Variants in WSCD2 observed in about 807,000 individuals in gnomAD.
WSCD2 encodes sialate:O-sulfotransferase 2.
Under a neutral mutation model 55.7 loss-of-function variants are expected in WSCD2, and 28 were observed. The observed-to-expected ratio is 0.50, with a 90% CI of 0.37 to 0.69. The LOEUF is 0.69. WSCD2 is among the 30% of genes least tolerant of loss of function. The probability of loss-of-function intolerance (pLI) is 0.00; values close to 1 mark genes in which losing one functional copy is unlikely to be tolerated. For synonymous variants in WSCD2, 301 were observed against 301.9 expected (o/e 1.00, Z 0.03); for missense variants, 616 against 762.1 (o/e 0.81, Z 2.26).
At chr12:108,232,933 C>A in intron 7 of WSCD2, 38 bp downstream of exon 7, 2 of 1,598,318 alleles carry the variant, frequency 1.3e-6, no homozygotes, top group South Asian at 2.2e-5. Flanking sequence ...AAGAGGTTCC[C>A]TGGGCTTGGG....
At chr12:108,180,084 G>GA (rs1881519148) in intron 1 of WSCD2, among the ~76,000 whole-genome samples, 1 of 147,186 alleles carries the variant, frequency 6.8e-6, no homozygotes, top group African/African-American at 2.5e-5. Flanking sequence ...GAAAAGAAAA[G>GA]AAAAGAAATC....
At chr12:108,214,425 G>A (rs936209708) in intron 4 of WSCD2, among the ~76,000 whole-genome samples, 2 of 152,150 alleles carry the variant, frequency 1.3e-5, no homozygotes, top group Non-Finnish European at 2.9e-5. Flanking sequence ...ACAGACTCTC[G>A]GGCACGTGGA....
chr12:108,213,796 C>A (rs932826476), intron 4 of WSCD2, among the ~76,000 whole-genome samples: 3 of 152,184 alleles, frequency 2.0e-5, no homozygotes, highest in Non-Finnish European at 2.9e-5. Context: ...TCCATGAATC[C>A]CAGTTAGTAT....
intron 4 of WSCD2, among the ~76,000 whole-genome samples, chr12:108,215,374 A>C (rs1221160500): frequency 3.9e-5 from 6 of 152,224 alleles, no homozygotes; most frequent in African/African-American, 1.4e-4. Context: ...TATAAAATGA[A>C]GACAATCCCA....
intron 1 of WSCD2, among the ~76,000 whole-genome samples, chr12:108,133,055 A>G (rs985116238): frequency 3.3e-5 from 5 of 152,158 alleles, no homozygotes; most frequent in Middle Eastern, 3.4e-3. Context: ...GTGTCTGTGT[A>G]TACATGTGTG....
chr12:108,170,905 G>T (rs1242325756), intron 1 of WSCD2, among the ~76,000 whole-genome samples: 1 of 152,162 alleles, frequency 6.6e-6, no homozygotes, highest in African/African-American at 2.4e-5. Flanking sequence ...ATCTCTGCAG[G>T]GCTAGTTCTG....
chr12:108,157,549 T>C (rs1454013023), intron 1 of WSCD2, among the ~76,000 whole-genome samples: 1 of 152,232 alleles, frequency 6.6e-6, no homozygotes, highest in Non-Finnish European at 1.5e-5. Context: ...CCCTTTTTTG[T>C]ATCTTTTTAA....
intron 1 of WSCD2, among the ~76,000 whole-genome samples, chr12:108,136,306 C>T (rs78793458): frequency 0.061 from 3,046 of 49,984 alleles, 124 homozygotes; most frequent in African/African-American, 0.15. Flanking sequence ...CCCAGCTCTG[C>T]GCCAACTGAC....
intron 4 of WSCD2, among the ~76,000 whole-genome samples, chr12:108,217,573 C>A (rs1219927078): frequency 6.6e-6 from 1 of 152,196 alleles, no homozygotes; most frequent in Admixed American, 6.5e-5. Flanking sequence ...CTAAACCCTT[C>A]CCTTCCTGGC....
Position 108,210,500 on chromosome 12 carries a change from A to G in WSCD2, c.682+195A>G, listed in dbSNP as rs1436483123. On this transcript the variant is annotated intron_variant, in intron 4 of 8. Transcript: ENST00000547525. The surrounding 1 kb of genome is among the most constrained non-coding windows in gnomAD (Gnocchi z 4.3). Reference sequence around the variant, plus strand: ...CCCCAGCTCCTTTGAATGGTCCTGCATGCGCTTTTCTCTCCCTCCCACTGA... The same window carrying G: ...CCCCAGCTCCTTTGAATGGTCCTGCGTGCGCTTTTCTCTCCCTCCCACTGA... Among the ~76,000 whole-genome samples the G allele has an allele frequency of 6.6e-6, 1 of 152,080 alleles. No individual in the cohort carries two copies. Among genetic ancestry groups the G allele is most frequent in the Non-Finnish European group, 1.5e-5 (1 of 68,010 alleles).
At chr12:108,223,417 C>T (rs1887744175) in intron 4 of WSCD2, among the ~76,000 whole-genome samples, 1 of 152,210 alleles carries the variant, frequency 6.6e-6, no homozygotes, top group African/African-American at 2.4e-5. Context: ...AACACATCTT[C>T]ACCTGGCTAA....
chr12:108,162,575 C>A (rs1879186342), intron 1 of WSCD2, among the ~76,000 whole-genome samples: 1 of 152,154 alleles, frequency 6.6e-6, no homozygotes, highest in Non-Finnish European at 1.5e-5. Context: ...CCCAAAGTGC[C>A]AAGGAAATTC....
At chr12:108,130,624 CT>C (rs1255212277) in intron 1 of WSCD2, among the ~76,000 whole-genome samples, 2 of 152,060 alleles carry the variant, frequency 1.3e-5, no homozygotes, top group Non-Finnish European at 2.9e-5. Flanking sequence ...GCCAACTCAC[CT>C]CCTTGGCAGA....
intron 1 of WSCD2, among the ~76,000 whole-genome samples, chr12:108,157,478 T>C (rs1878637837): frequency 6.6e-6 from 1 of 152,182 alleles, no homozygotes; most frequent in Non-Finnish European, 1.5e-5. Flanking sequence ...GCCCCACCTA[T>C]TTCCCTCCTA....
intron 7 of WSCD2, 157 bp downstream of exon 7, chr12:108,233,052 C>A (rs10861883): frequency 0.15 from 140,491 of 935,612 alleles, 11,299 homozygotes; most frequent in Non-Finnish European, 0.16. Flanking sequence ...TTGGTACCCC[C>A]CCACCTTCCT....
intron 1 of WSCD2, among the ~76,000 whole-genome samples, chr12:108,132,604 G>C (rs1383596843): frequency 3.3e-5 from 5 of 152,176 alleles, no homozygotes; most frequent in African/African-American, 9.7e-5. Flanking sequence ...ACTTGTGAAT[G>C]TTACGCAGTT....
At chr12:108,161,462 G>A (rs1879047014) in intron 1 of WSCD2, among the ~76,000 whole-genome samples, 1 of 152,154 alleles carries the variant, frequency 6.6e-6, no homozygotes, top group Non-Finnish European at 1.5e-5. Flanking sequence ...ATGGGAACAG[G>A]AAGGCAGAGA....
chr12:108,179,956 T>A (rs1264603761), intron 1 of WSCD2, among the ~76,000 whole-genome samples: 11 of 150,088 alleles, frequency 7.3e-5, no homozygotes, highest in Non-Finnish European at 1.3e-4. Context: ...GGCAGGAGAA[T>A]CTCTTGAACC....
chr12:108,140,087 A>C (rs1037307272), intron 1 of WSCD2, among the ~76,000 whole-genome samples: 1 of 152,204 alleles, frequency 6.6e-6, no homozygotes, highest in Non-Finnish European at 1.5e-5. Flanking sequence ...AGAACTCAGA[A>C]GGTACACGGG....
Sources: allele counts gnomAD v4.1 joint callset (sites outside exome capture counted in the v4.1 genomes callset), GRCh38; gene constraint gnomAD v4.1.1; non-coding constraint Gnocchi (gnomAD v3.1); transcripts MANE v1.5; gene names NCBI Gene and HGNC (gene_info 2026-07-23, HGNC 2026-07-21).